The following SYNPR variants were observed in gnomAD, a reference collection of about 807,000 sequenced individuals.
SYNPR encodes synaptoporin.
In SYNPR, 23 loss-of-function variants were observed where a neutral mutation model predicts 32.9. That is an observed-to-expected ratio of 0.70 (90% CI 0.50 to 0.99). SYNPR has a LOEUF of 0.99. Ranked by LOEUF, SYNPR falls within the 50% of genes least tolerant of loss-of-function variation. The probability of loss-of-function intolerance (pLI) is 0.00; values close to 1 mark genes in which losing one functional copy is unlikely to be tolerated. For missense variants in SYNPR, 318 were observed against 349.3 expected, an observed-to-expected ratio of 0.91 and a Z score of 0.71; for synonymous variants, 146 against 135.9, an observed-to-expected ratio of 1.07 and a Z score of -0.52.
intron 4 of SYNPR, among the ~76,000 whole-genome samples, chr3:63,569,428 T>C (rs923075392): frequency 1.3e-5 from 2 of 152,196 alleles, no homozygotes; most frequent in African/African-American, 4.8e-5. Context: ...TCTTATGCTG[T>C]TGTAGAAGAG....
At chr3:63,341,559 T>C (rs1050487393) in intron 2 of SYNPR, among the ~76,000 whole-genome samples, 1 of 152,256 alleles carries the variant, frequency 6.6e-6, no homozygotes, top group African/African-American at 2.4e-5. Flanking sequence ...AATAGCTATG[T>C]AGTGGTATCT....
intron 2 of SYNPR, among the ~76,000 whole-genome samples, chr3:63,401,196 C>A (rs543867163): frequency 6.6e-6 from 1 of 152,174 alleles, no homozygotes; most frequent in East Asian, 1.9e-4. Flanking sequence ...AGTCTGCAGG[C>A]AGATTGGTGG....
At chr3:63,230,997 G>A (rs1335076103) in intron 1 of SYNPR, among the ~76,000 whole-genome samples, 1 of 151,986 alleles carries the variant, frequency 6.6e-6, no homozygotes, top group Non-Finnish European at 1.5e-5. Flanking sequence ...TGCACTACTA[G>A]GTACCTACCC....
At chr3:63,574,203 C>T (rs1702939896) in intron 4 of SYNPR, among the ~76,000 whole-genome samples, 1 of 152,144 alleles carries the variant, frequency 6.6e-6, no homozygotes, top group Non-Finnish European at 1.5e-5. Context: ...TTTTGGGGAA[C>T]AATATTCAGG....
chr3:63,427,933 A>T (rs942232522), intron 2 of SYNPR, among the ~76,000 whole-genome samples: 1 of 152,248 alleles, frequency 6.6e-6, no homozygotes. Context: ...TGATTCCTTC[A>T]GTGCCTCTCA....
rs1425529968 is a variant in SYNPR at position 63,598,616 on chromosome 3, A to T, written c.409-10509A>T. ...GAACTATGGGCAAATAAATCTCTTA[A>T]TACTCCTGGCCGCAGTTTCTTCATC... On this transcript the variant is annotated intron_variant, in intron 4 of 5. Coordinates refer to ENST00000478300, the MANE Select transcript of SYNPR (RefSeq NM_001130003.2). Among the ~76,000 whole-genome samples, 3 of 152,180 alleles carry T rather than the reference A, an allele frequency of 2.0e-5. No homozygotes were observed. The East Asian group carries it at 5.8e-4, about 29-fold the overall frequency.
intron 2 of SYNPR, among the ~76,000 whole-genome samples, chr3:63,296,769 A>G (rs571628225): frequency 3.3e-5 from 5 of 152,314 alleles, no homozygotes; most frequent in African/African-American, 1.2e-4. Context: ...ACTCTTTAAA[A>G]GTACAGTTTA....
In SYNPR at chr3:63,558,097, C is replaced by T. The variant is rs1050420489; in HGVS notation, c.408+1356C>T. Among the ~76,000 whole-genome samples, 12 of 152,168 alleles carry T rather than the reference C, an allele frequency of 7.9e-5. 1 individual carries two copies. Among genetic ancestry groups the T allele is most frequent in the African/African-American group, 2.9e-4 (12 of 41,450 alleles). On this transcript the variant is annotated intron_variant, in intron 4 of 5. Coordinates refer to ENST00000478300, the MANE Select transcript of SYNPR (RefSeq NM_001130003.2). Reference sequence around the variant, plus strand: ...AGTCAGCCTCTTTTGTCTTCTATCCCTTTTCCCACATACCCAGTTCCTCTT... The same window carrying T: ...AGTCAGCCTCTTTTGTCTTCTATCCTTTTTCCCACATACCCAGTTCCTCTT...
chr3:63,348,320 A>C (rs951276604), intron 2 of SYNPR, among the ~76,000 whole-genome samples: 10 of 151,990 alleles, frequency 6.6e-5, no homozygotes, highest in Non-Finnish European at 7.4e-5. Context: ...GACCATTTAC[A>C]TGTCTTCTTT....
chr3:63,278,880 C>G (rs2086601918), intron 2 of SYNPR, 138 bp downstream of exon 2: 1 of 1,036,748 alleles, frequency 9.6e-7, no homozygotes, highest in Non-Finnish European at 1.4e-6. Flanking sequence ...CAATCCTGCC[C>G]CCTCCTAAGA....
intron 1 of SYNPR, among the ~76,000 whole-genome samples, chr3:63,247,179 A>T (rs1032962585): frequency 6.6e-6 from 1 of 152,118 alleles, no homozygotes; most frequent in African/African-American, 2.4e-5. Flanking sequence ...TTTCTGCAAC[A>T]TTTAGACATA....
rs983294404 is a variant in SYNPR at position 63,345,041 on chromosome 3, C to T, written c.84+66299C>T. Among the ~76,000 whole-genome samples the T allele has an allele frequency of 3.3e-5, 5 of 152,288 alleles. No homozygotes were observed. The South Asian group carries it at 1.0e-3, about 32-fold the overall frequency. ...AATACTAGTCTTAGGTCTTAGAATA[C>T]TGATGTTATCTAAAGGGACAATTAG... On this transcript the variant is annotated intron_variant, in intron 2 of 5. Transcript: ENST00000478300.
chr3:63,521,995 A>G (rs1701924933), intron 3 of SYNPR, among the ~76,000 whole-genome samples: 1 of 152,186 alleles, frequency 6.6e-6, no homozygotes, highest in Non-Finnish European at 1.5e-5. Context: ...CTCCAGGCAC[A>G]GTGCAGAGGA....
intron 2 of SYNPR, among the ~76,000 whole-genome samples, chr3:63,463,269 C>CA (rs1020060690): frequency 6.6e-6 from 1 of 151,852 alleles, no homozygotes; most frequent in African/African-American, 2.4e-5. Context: ...CAGACTGGCT[C>CA]AAAAAATCCA....
At chr3:63,245,945 A>T (rs543698700) in intron 1 of SYNPR, among the ~76,000 whole-genome samples, 1 of 152,154 alleles carries the variant, frequency 6.6e-6, no homozygotes, top group African/African-American at 2.4e-5. Flanking sequence ...TTTCAGAAAC[A>T]CTGATAAGTG....
intron 3 of SYNPR, among the ~76,000 whole-genome samples, chr3:63,270,036 A>G (rs190870557): frequency 6.6e-6 from 1 of 152,338 alleles, no homozygotes; most frequent in Non-Finnish European, 1.5e-5. Context: ...TGCTTAAATA[A>G]TATTTTCAGA....
At chr3:63,246,596 T>A (rs1311706535) in intron 1 of SYNPR, among the ~76,000 whole-genome samples, 1 of 152,020 alleles carries the variant, frequency 6.6e-6, no homozygotes, top group East Asian at 1.9e-4. Context: ...GTCAGAAAAG[T>A]TCTCATTGAT....
In SYNPR at chr3:63,368,945, T is replaced by C. The variant is rs145470381; in HGVS notation, c.84+90203T>C. On this transcript the variant is annotated intron_variant, in intron 2 of 5. Coordinates refer to ENST00000478300, the MANE Select transcript of SYNPR (RefSeq NM_001130003.2). ...CATGAAGATGCTGTTGTTGTCAAGA[T>C]AGGGAGAAATAAATCCTCTGTACTC... 3.0e-4 allele frequency among the ~76,000 whole-genome samples: 46 copies of C among 152,346 alleles called. No individual in the cohort carries two copies. The East Asian group carries it at 8.9e-3, about 29-fold the overall frequency.
intron 2 of SYNPR, among the ~76,000 whole-genome samples, chr3:63,452,823 A>G (rs1700403700): frequency 6.6e-6 from 1 of 152,172 alleles, no homozygotes; most frequent in South Asian, 2.1e-4. Flanking sequence ...GACATTAAAT[A>G]TTCCTCATAC....
Sources: gnomAD v4.1 joint callset for allele counts (sites outside exome capture counted in the v4.1 genomes callset) on GRCh38, gnomAD v4.1.1 for gene constraint, MANE v1.5 for transcripts, NCBI Gene and HGNC (gene_info 2026-07-23, HGNC 2026-07-21) for gene names.